DLG2: variants seen among roughly 807,000 people sequenced by gnomAD.
DLG2 encodes disks large homolog 2.
A neutral mutation model predicts 132.5 loss-of-function variants in DLG2; 45 were observed. The ratio of observed to expected loss-of-function variants is 0.34; its 90% CI spans 0.27 to 0.44. The LOEUF is 0.44. Ranked by LOEUF, DLG2 falls within the 20% of genes least tolerant of loss-of-function variation. The pLI, the probability that DLG2 is intolerant of heterozygous loss-of-function variation, is 1.00. For synonymous variants in DLG2, 424 were observed against 419.6 expected (o/e 1.01, Z -0.13); for missense variants, 1,045 against 1,196.9 (o/e 0.87, Z 1.87).
chr11:84,089,763 A>G (rs1004278887), intron 10 of DLG2, among the ~76,000 whole-genome samples: 2 of 152,230 alleles, frequency 1.3e-5, no homozygotes, highest in Non-Finnish European at 2.9e-5. Flanking sequence ...TGGGAGTAGA[A>G]ATGATTATGC....
intron 8 of DLG2, among the ~76,000 whole-genome samples, chr11:84,208,555 G>A (rs1420458766): frequency 6.6e-6 from 1 of 152,012 alleles, no homozygotes; most frequent in Non-Finnish European, 1.5e-5. Flanking sequence ...TGTTAGCCAG[G>A]CTGGTCTCGA....
At chr11:84,615,209 T>C (rs965892940) in intron 6 of DLG2, among the ~76,000 whole-genome samples, 1 of 152,148 alleles carries the variant, frequency 6.6e-6, no homozygotes, top group African/African-American at 2.4e-5. Flanking sequence ...AATGTAGCTT[T>C]ATTTTTATTG....
chr11:84,502,208 T>TCTCTCTC (rs1567803304), intron 7 of DLG2, among the ~76,000 whole-genome samples: 1 of 3,342 alleles, frequency 3.0e-4, no homozygotes, highest in Non-Finnish European at 5.1e-4. Context: ...CTCTCCTTCC[T>TCTCTCTC]TCCTTCCTTC....
chr11:85,536,356 A>G (rs1437027371), intron 3 of DLG2, among the ~76,000 whole-genome samples: 1 of 152,166 alleles, frequency 6.6e-6, no homozygotes, highest in Non-Finnish European at 1.5e-5. Context: ...GGACCCCAGA[A>G]GCAGACTCTT....
At chr11:84,179,884 C>A (rs571727592) in intron 8 of DLG2, among the ~76,000 whole-genome samples, 1 of 152,102 alleles carries the variant, frequency 6.6e-6, no homozygotes, top group African/African-American at 2.4e-5. Flanking sequence ...TAGACAAACT[C>A]ACCAAAATAC....
chr11:83,981,311 A>G (rs984323575), intron 11 of DLG2, among the ~76,000 whole-genome samples: 1 of 152,166 alleles, frequency 6.6e-6, no homozygotes, highest in Admixed American at 6.5e-5. Context: ...TTAACTGATT[A>G]ACTAATTGTG....
At chr11:84,646,126 T>G (rs1434867535) in intron 6 of DLG2, among the ~76,000 whole-genome samples, 1 of 152,148 alleles carries the variant, frequency 6.6e-6, no homozygotes, top group Non-Finnish European at 1.5e-5. Flanking sequence ...ATTTTCAAGG[T>G]GGGGGTGCGG....
At chr11:83,672,217 G>A (rs181285448) in intron 18 of DLG2, among the ~76,000 whole-genome samples, 29 of 148,368 alleles carry the variant, frequency 2.0e-4, no homozygotes, top group African/African-American at 6.0e-4. Flanking sequence ...ATGGAATTTC[G>A]CTCTTGTTGC....
At chr11:84,327,132 T>C (rs2154399466) in intron 7 of DLG2, among the ~76,000 whole-genome samples, 1 of 148,942 alleles carries the variant, frequency 6.7e-6, no homozygotes, top group Non-Finnish European at 1.5e-5. Context: ...TTTTTTTTTT[T>C]TTGAGATGGA....
At chr11:84,673,792 G>A (rs993177472) in intron 6 of DLG2, among the ~76,000 whole-genome samples, 3 of 151,970 alleles carry the variant, frequency 2.0e-5, no homozygotes, top group African/African-American at 7.2e-5. Context: ...ATATTTAAAA[G>A]GATAACTTAT....
At chr11:85,306,311 A>G (rs1230153696) in intron 3 of DLG2, among the ~76,000 whole-genome samples, 1 of 152,114 alleles carries the variant, frequency 6.6e-6, no homozygotes, top group Admixed American at 6.5e-5. Flanking sequence ...TGTACTTTGG[A>G]TACAGCAAAG....
intron 3 of DLG2, among the ~76,000 whole-genome samples, chr11:85,388,622 T>G (rs892138281): frequency 1.3e-5 from 2 of 151,942 alleles, no homozygotes; most frequent in African/African-American, 4.8e-5. Flanking sequence ...TCCACCAGAG[T>G]AGGTGCTGGT....
At chr11:84,956,272 CAA>C (rs1383851788) in intron 6 of DLG2, among the ~76,000 whole-genome samples, 1 of 152,008 alleles carries the variant, frequency 6.6e-6, no homozygotes, top group East Asian at 1.9e-4. Context: ...TATGAAAGCT[CAA>C]AGAGAGAAGC....
At chr11:85,065,048 G>A (rs1220746235) in intron 6 of DLG2, among the ~76,000 whole-genome samples, 1 of 151,562 alleles carries the variant, frequency 6.6e-6, no homozygotes, top group Non-Finnish European at 1.5e-5. Context: ...GAGTCAATTA[G>A]TACAAAAGTT....
At chr11:85,413,664 C>A (rs1157681059) in intron 3 of DLG2, among the ~76,000 whole-genome samples, 2 of 151,990 alleles carry the variant, frequency 1.3e-5, no homozygotes, top group Admixed American at 6.6e-5. Flanking sequence ...AAAAGGTGTC[C>A]TTTCCACACT....
chr11:83,931,390 G>C, intron 14 of DLG2, among the ~76,000 whole-genome samples: 2 of 152,148 alleles, frequency 1.3e-5, no homozygotes, highest in South Asian at 4.2e-4. Context: ...ATGTCATTTC[G>C]GTAACATTGT....
intron 18 of DLG2, among the ~76,000 whole-genome samples, chr11:83,706,411 G>A (rs1050357355): frequency 6.6e-6 from 1 of 151,978 alleles, no homozygotes; most frequent in Admixed American, 6.6e-5. Flanking sequence ...ATGACCACTT[G>A]GCAAAGATAT....
intron 6 of DLG2, among the ~76,000 whole-genome samples, chr11:84,656,137 C>T (rs1659955519): frequency 6.6e-6 from 1 of 152,154 alleles, no homozygotes. Flanking sequence ...AAACCCAGTC[C>T]TGCTAGAGAG....
chr11:84,251,594 G>A (rs1300537871), intron 7 of DLG2, among the ~76,000 whole-genome samples: 2 of 151,362 alleles, frequency 1.3e-5, no homozygotes, highest in African/African-American at 4.9e-5. Context: ...TGTAAGGCAA[G>A]GATTTCTAAT....
Sources: gnomAD v4.1 joint callset for allele counts (sites outside exome capture counted in the v4.1 genomes callset) on GRCh38, gnomAD v4.1.1 for gene constraint, MANE v1.5 for transcripts, NCBI Gene and HGNC (gene_info 2026-07-23, HGNC 2026-07-21) for gene names.